Variants in KAZN observed in about 807,000 individuals in gnomAD.
KAZN encodes the protein kazrin, periplakin interacting protein.
In KAZN, 40 loss-of-function variants were observed where a neutral mutation model predicts 87.4. That is an observed-to-expected ratio of 0.46 (90% CI 0.36 to 0.60). KAZN has a LOEUF of 0.60. Ranked by LOEUF, KAZN falls within the 20% of genes least tolerant of loss-of-function variation. The probability of loss-of-function intolerance (pLI) is 0.00; values close to 1 mark genes in which losing one functional copy is unlikely to be tolerated. For missense variants in KAZN, 898 were observed against 1,073.9 expected (o/e 0.84, Z 2.29); for synonymous variants, 466 against 458.3 (o/e 1.02, Z -0.22).
rs544294692 is a variant in KAZN at position 14,231,418 on chromosome 1, G to A, written c.249+50826G>A. 3.9e-5 allele frequency among the ~76,000 whole-genome samples: 6 copies of A among 152,254 alleles called. No homozygotes were observed. In the South Asian group the frequency reaches 1.2e-3, roughly 32 times the overall value. ...TCATTTTTTTTTTTAGCATGGCCCAGGTTCTTAGCTATTCAATACTCACTT... is the reference window on the plus strand; with the variant it reads ...TCATTTTTTTTTTTAGCATGGCCCAAGTTCTTAGCTATTCAATACTCACTT... On this transcript the variant is annotated intron_variant, in intron 2 of 16. Coordinates refer to the KAZN transcript ENST00000636203.
intron 1 of KAZN, among the ~76,000 whole-genome samples, chr1:14,728,143 G>A (rs544459493): frequency 2.0e-5 from 3 of 151,826 alleles, no homozygotes; most frequent in Admixed American, 6.6e-5. Flanking sequence ...AAAATTAGCC[G>A]GGTATGGTTG....
At chr1:14,297,397 A>G (rs1278278882) in intron 2 of KAZN, among the ~76,000 whole-genome samples, 2 of 152,208 alleles carry the variant, frequency 1.3e-5, no homozygotes, top group African/African-American at 4.8e-5. Flanking sequence ...GAACTGTATC[A>G]CTTGGTCACT....
At chr1:14,366,556 C>T (rs1210593300) in intron 2 of KAZN, among the ~76,000 whole-genome samples, 19 of 152,244 alleles carry the variant, frequency 1.2e-4, no homozygotes, top group African/African-American at 4.6e-4. Context: ...TTCACTCAAA[C>T]TTGCTGCACT....
At chr1:14,181,009 G>A (rs898451511) in intron 2 of KAZN, among the ~76,000 whole-genome samples, 8 of 152,174 alleles carry the variant, frequency 5.3e-5, no homozygotes, top group African/African-American at 1.7e-4. Context: ...GCCCCAGTAA[G>A]TACATCAGCA....
intron 2 of KAZN, among the ~76,000 whole-genome samples, chr1:14,550,917 A>G (rs1203066679): frequency 1.3e-5 from 2 of 151,064 alleles, no homozygotes; most frequent in Non-Finnish European, 3.0e-5. Context: ...CTCTCCCCAG[A>G]CAACTCTTCT....
chr1:14,880,332 A>T (rs913813711), intron 1 of KAZN, among the ~76,000 whole-genome samples: 1 of 152,136 alleles, frequency 6.6e-6, no homozygotes. Context: ...ACCCCAGGGG[A>T]TTGCCCGAGG....
chr1:14,212,697 T>G (rs1646880742), intron 2 of KAZN, among the ~76,000 whole-genome samples: 1 of 152,136 alleles, frequency 6.6e-6, no homozygotes. Context: ...CCAGCACCAG[T>G]GCAAGTCAGG....
At chr1:14,189,874 A>G (rs886845723) in intron 2 of KAZN, among the ~76,000 whole-genome samples, 9 of 152,238 alleles carry the variant, frequency 5.9e-5, no homozygotes, top group African/African-American at 1.2e-4. Flanking sequence ...TTTTTTATCT[A>G]TTGGAAATGG....
intron 2 of KAZN, among the ~76,000 whole-genome samples, chr1:14,451,910 T>A (rs6668363): frequency 1.3e-5 from 2 of 151,836 alleles, no homozygotes; most frequent in African/African-American, 4.8e-5. Flanking sequence ...GATTGGACGC[T>A]GTTTTGGGAT....
intron 1 of KAZN, among the ~76,000 whole-genome samples, chr1:13,903,339 T>C (rs1180453215): frequency 6.6e-6 from 1 of 152,190 alleles, no homozygotes; most frequent in Non-Finnish European, 1.5e-5. Context: ...GAAACAGACA[T>C]GGAGTCTGGA....
intron 1 of KAZN, among the ~76,000 whole-genome samples, chr1:14,937,748 G>A (rs543309622): frequency 1.3e-5 from 2 of 152,332 alleles, no homozygotes; most frequent in Middle Eastern, 3.4e-3. Context: ...TGCTCCAGAC[G>A]GCATCTGGCT....
chr1:14,424,832 A>T (rs1478333045), intron 2 of KAZN, among the ~76,000 whole-genome samples: 2 of 152,222 alleles, frequency 1.3e-5, no homozygotes, highest in African/African-American at 4.8e-5. Context: ...GAAGGGCCAG[A>T]TAGATTCCCA....
intron 2 of KAZN, among the ~76,000 whole-genome samples, chr1:14,490,553 C>T (rs1022750333): frequency 5.9e-5 from 9 of 151,972 alleles, no homozygotes; most frequent in Admixed American, 1.3e-4. Flanking sequence ...AGTGCAGTGG[C>T]GCGATCTCGG....
intron 1 of KAZN, among the ~76,000 whole-genome samples, chr1:14,894,520 G>A (rs1405452605): frequency 6.6e-6 from 1 of 152,206 alleles, no homozygotes; most frequent in Admixed American, 6.5e-5. Context: ...CGTGACACTT[G>A]CCCTGCAGGC....
chr1:14,682,649 TG>T (rs1640739320), intron 1 of KAZN, among the ~76,000 whole-genome samples: 1 of 152,126 alleles, frequency 6.6e-6, no homozygotes, highest in South Asian at 2.1e-4. Flanking sequence ...CACATTTTGT[TG>T]TTATATTTTT....
chr1:14,635,584 A>T (rs1156558581), intron 1 of KAZN, among the ~76,000 whole-genome samples: 1 of 152,126 alleles, frequency 6.6e-6, no homozygotes, highest in Non-Finnish European at 1.5e-5. Context: ...GTTACCAATG[A>T]TGATGTCTCT....
intron 1 of KAZN, among the ~76,000 whole-genome samples, chr1:14,736,254 G>GGTGGGTGT (rs1418987856): frequency 6.9e-5 from 8 of 115,312 alleles, no homozygotes; most frequent in Non-Finnish European, 1.1e-4. Context: ...GGGACTCAAG[G>GGTGGGTGT]GTGTGTGTGT....
chr1:14,096,467 A>C (rs1438079294), intron 1 of KAZN, among the ~76,000 whole-genome samples: 1 of 152,196 alleles, frequency 6.6e-6, no homozygotes, highest in Non-Finnish European at 1.5e-5. Context: ...ATGGCTCACC[A>C]CCTGCTGACA....
intron 1 of KAZN, among the ~76,000 whole-genome samples, chr1:14,676,721 C>T (rs1275596642): frequency 1.3e-5 from 2 of 152,052 alleles, no homozygotes; most frequent in African/African-American, 4.8e-5. Flanking sequence ...TTGTATGATC[C>T]CATTTATATG....
Sources: allele counts gnomAD v4.1 joint callset (sites outside exome capture counted in the v4.1 genomes callset), GRCh38; gene constraint gnomAD v4.1.1; transcripts MANE v1.5; gene names NCBI Gene and HGNC (gene_info 2026-07-23, HGNC 2026-07-21).